Variants in HLA-DMA observed in about 807,000 individuals in gnomAD.
The protein encoded by HLA-DMA is HLA class II histocompatibility antigen, DM alpha chain.
HLA-DMA carries 20 observed loss-of-function variants against 27.3 expected under a neutral mutation model. The ratio of observed to expected loss-of-function variants is 0.73; its 90% CI spans 0.52 to 1.07. The LOEUF is 1.07. Among genes scored for constraint, HLA-DMA ranks in the 50% least tolerant of loss-of-function variants. The probability of loss-of-function intolerance (pLI) is 0.00; values close to 1 mark genes in which losing one functional copy is unlikely to be tolerated. For missense variants in HLA-DMA, 241 were observed against 321.7 expected (o/e 0.75, Z 1.92); for synonymous variants, 111 against 126.8 (o/e 0.88, Z 0.83).
At position 32,950,550 on chromosome 6, in the gene HLA-DMA, T is replaced by C; in HGVS notation, c.342A>G (p.Pro114=). Residue 114 remains proline, a synonymous_variant, in exon 2 of 5, where the codon CCA becomes CCG. Transcript: ENST00000374843. This position sits in a 1 kb window ranked among gnomAD's most constrained non-coding sequence, Gnocchi z 5.0. ...FCEWMIQQIG[P]KLDGKIPVSR... ...ACACCGGGATTTTCCCATCAAGTTT[T>C]GGCCCTATTTGCTGGATCATCCACT... 6.2e-7 allele frequency: 1 copy of C among 1,613,090 alleles called. No individual in the cohort carries two copies. Among genetic ancestry groups the C allele is most frequent in the Non-Finnish European group, 8.5e-7 (1 of 1,180,040 alleles).
In HLA-DMA at chr6:32,949,971, G is replaced by C. The variant is rs958890817; in HGVS notation, c.374-82C>G. 1.2e-5 allele frequency: 17 copies of C among 1,384,022 alleles called. No individual in the cohort carries two copies. The highest frequency in any genetic ancestry group is 1.6e-5 in the Non-Finnish European group (16 of 994,680). 85.7% of individuals were successfully genotyped at this position (1,384,022 alleles called of 1,614,324 possible). A position where few individuals can be genotyped will look rare whatever the true frequency, so the allele number is the denominator to read the frequency against. ...GTGTTTGGAGGGGCCATGGCATATG[G>C]AGGGGAGGGCAGAGAAGAACACAGT... is the stretch of plus-strand genomic sequence containing the variant. On this transcript the variant is annotated intron_variant, in intron 2 of 4. Transcript: ENST00000374843. The surrounding 1 kb of genome is among the most constrained non-coding windows in gnomAD (Gnocchi z 5.8).
chr6:32,949,320 G>T lies in HLA-DMA; in HGVS notation c.732C>A (p.Ile244=). 6.2e-7 allele frequency: 1 copy of T among 1,614,182 alleles called. No individual in the cohort carries two copies. The highest frequency in any genetic ancestry group is 8.5e-7 in the Non-Finnish European group (1 of 1,180,036). The change falls in exon 4 of 5, where the codon ATC becomes ATA. Residue 244 remains isoleucine, a synonymous_variant. Coordinates refer to ENST00000374843, the MANE Select transcript of HLA-DMA (RefSeq NM_006120.4). This position sits in a 1 kb window ranked among gnomAD's most constrained non-coding sequence, Gnocchi z 5.8. ...GVAFGLGVLG[I]IVGIVLIIYF... ...AGATGATGAGAACAATGCCCACGAT[G>T]ATGCCCAGCACACCCAGGCCAAAGG...
chr6:32,948,912 T>C, intron 4 of HLA-DMA, 44 bp from the exon 5 acceptor site: 4 of 1,582,206 alleles, frequency 2.5e-6, no homozygotes, highest in Non-Finnish European at 3.4e-6. Context: ...AGGGGATCCA[T>C]CCTCCTCCTC....
In HLA-DMA at chr6:32,949,252, C is replaced by T; in HGVS notation, c.781+19G>A. 6.2e-7 allele frequency: 1 copy of T among 1,614,072 alleles called. No homozygotes were observed. The highest frequency in any genetic ancestry group is 1.1e-5 in the South Asian group (1 of 91,070). On this transcript the variant is annotated intron_variant, in intron 4 of 4. Transcript: ENST00000374843. The surrounding 1 kb of genome is among the most constrained non-coding windows in gnomAD (Gnocchi z 5.8). ...TATCTGGCTCCCACAGGCTCACCCG[C>T]CCCCTCCAGATGACATACCACCTGA...
chr6:32,950,993 A>G lies in HLA-DMA; in HGVS notation c.89-190T>C, dbSNP rs551116299. On this transcript the variant is annotated intron_variant, in intron 1 of 4. Transcript: ENST00000374843. The surrounding 1 kb of genome is among the most constrained non-coding windows in gnomAD (Gnocchi z 5.0). ...AGCATGGTGAAACTCCGTCTCTACTAAAAATACAAAAAAGTAGCTGGGCAT... is the reference window on the plus strand; with the variant it reads ...AGCATGGTGAAACTCCGTCTCTACTGAAAATACAAAAAAGTAGCTGGGCAT... Among the ~76,000 whole-genome samples the G allele has an allele frequency of 5.6e-4, 85 of 152,182 alleles. No homozygotes were observed. The highest frequency in any genetic ancestry group is 1.1e-3 in the Non-Finnish European group (78 of 67,990).
chr6:32,950,495 T>C lies in HLA-DMA; in HGVS notation c.373+24A>G, dbSNP rs776123031. 1.4e-5 allele frequency: 22 copies of C among 1,612,288 alleles called. No individual in the cohort carries two copies. Among genetic ancestry groups the C allele is most frequent in the Non-Finnish European group, 1.8e-5 (21 of 1,179,426 alleles). ...ATGAGGTTAATGCAGCCCTCCTCCC[T>C]TCACTCCCCAGAAAACTCCTGACCT... On this transcript the variant is annotated intron_variant, in intron 2 of 4. Transcript: ENST00000374843. This position sits in a 1 kb window ranked among gnomAD's most constrained non-coding sequence, Gnocchi z 5.0.
rs770010504 is a variant in HLA-DMA, at chr6:32,949,450, C to T, written c.653-51G>A. 3.7e-6 allele frequency: 6 copies of T among 1,610,910 alleles called. No individual in the cohort carries two copies. In the South Asian group the frequency reaches 5.5e-5, roughly 15 times the overall value. ...GGGGACCTAGTTAGGGAGCCTCCCA[C>T]CCAGGGAAATGACGTGGGTGTCTGG... On this transcript the variant is annotated intron_variant, in intron 3 of 4. Coordinates refer to ENST00000374843, the MANE Select transcript of HLA-DMA (RefSeq NM_006120.4). This position sits in a 1 kb window ranked among gnomAD's most constrained non-coding sequence, Gnocchi z 5.8.
In HLA-DMA at chr6:32,949,185, A is replaced by T; in HGVS notation, c.781+86T>A. ...CCTGAGGATCGCTATATGTCCCCCC[A>T]TGCCACAAAATAATCCTGACACATG... On this transcript the variant is annotated intron_variant, in intron 4 of 4. Transcript: ENST00000374843. This position sits in a 1 kb window ranked among gnomAD's most constrained non-coding sequence, Gnocchi z 5.8. 1 of 1,572,508 alleles carries T rather than the reference A, an allele frequency of 6.4e-7. No homozygotes were observed. Among genetic ancestry groups the T allele is most frequent in the South Asian group, 1.1e-5 (1 of 87,570 alleles).
At position 32,949,427 on chromosome 6, in the gene HLA-DMA, G is replaced by C. The variant is rs1561883420; in HGVS notation, c.653-28C>G. 1.9e-6 allele frequency: 3 copies of C among 1,612,998 alleles called. No homozygotes were observed. Among genetic ancestry groups the C allele is most frequent in the Non-Finnish European group, 2.5e-6 (3 of 1,179,440 alleles). On this transcript the variant is annotated intron_variant, in intron 3 of 4. Coordinates refer to ENST00000374843, the MANE Select transcript of HLA-DMA (RefSeq NM_006120.4). This position sits in a 1 kb window ranked among gnomAD's most constrained non-coding sequence, Gnocchi z 5.8. ...GGAGGAAATGAGTGGCTCAGCCTGG[G>C]GACCTAGTTAGGGAGCCTCCCACCC...
chr6:32,951,970 T>C (rs181889060), intron 1 of HLA-DMA, among the ~76,000 whole-genome samples: 11 of 152,066 alleles, frequency 7.2e-5, no homozygotes, highest in Admixed American at 2.6e-4. Flanking sequence ...TAAAAATGTA[T>C]ATATATAAAA....
At position 32,950,820 on chromosome 6, in the gene HLA-DMA, G is replaced by T. The variant is rs201566790; in HGVS notation, c.89-17C>A. On this transcript the variant is annotated splice_polypyrimidine_tract_variant and intron_variant, in intron 1 of 4. Coordinates refer to ENST00000374843, the MANE Select transcript of HLA-DMA (RefSeq NM_006120.4). This position sits in a 1 kb window ranked among gnomAD's most constrained non-coding sequence, Gnocchi z 5.0. ...GAGTAGGAGCTGCAAAGGACACAGG[G>T]TGAGGTTCAGGGAGGTGGGAGCCTT... The T allele has an allele frequency of 1.6e-3, 2,607 of 1,606,248 alleles. 10 individuals carry two copies. Among genetic ancestry groups the T allele is most frequent in the Middle Eastern group, 0.014 (83 of 6,038 alleles).
chr6:32,949,232 G>T lies in HLA-DMA; in HGVS notation c.781+39C>A, dbSNP rs1272605177. ...CATGCACGCATGCACCACTGTATCT[G>T]GCTCCCACAGGCTCACCCGCCCCCT... On this transcript the variant is annotated intron_variant, in intron 4 of 4. Transcript: ENST00000374843. This position sits in a 1 kb window ranked among gnomAD's most constrained non-coding sequence, Gnocchi z 5.8. 5.0e-6 allele frequency: 8 copies of T among 1,613,340 alleles called. No homozygotes were observed. The highest frequency in any genetic ancestry group is 5.9e-6 in the Non-Finnish European group (7 of 1,179,588).
Position 32,949,042 on chromosome 6 carries a change from T to C in HLA-DMA, c.782-174A>G, listed in dbSNP as rs533700948. ...CAAGCACCCTTCCTACAGCACCCCATGATTCCTTTTTTCACTCAAAGCAAT... is the reference window on the plus strand; with the variant it reads ...CAAGCACCCTTCCTACAGCACCCCACGATTCCTTTTTTCACTCAAAGCAAT... On this transcript the variant is annotated intron_variant, in intron 4 of 4. Transcript: ENST00000374843. This position sits in a 1 kb window ranked among gnomAD's most constrained non-coding sequence, Gnocchi z 5.8. Among the ~76,000 whole-genome samples, 1 of 152,220 alleles carries C rather than the reference T, an allele frequency of 6.6e-6. No homozygotes were observed. The highest frequency in any genetic ancestry group is 1.5e-5 in the Non-Finnish European group (1 of 67,996).
Position 32,949,171 on chromosome 6 carries a change from C to T in HLA-DMA, c.781+100G>A. 4 of 1,521,438 alleles carry T rather than the reference C, an allele frequency of 2.6e-6. No homozygotes were observed. Among genetic ancestry groups the T allele is most frequent in the Non-Finnish European group, 3.6e-6 (4 of 1,108,514 alleles). 94.2% of individuals were successfully genotyped at this position (1,521,438 alleles called of 1,614,324 possible). A position where few individuals can be genotyped will look rare whatever the true frequency, so the allele number is the denominator to read the frequency against. On this transcript the variant is annotated intron_variant, in intron 4 of 4. Transcript: ENST00000374843. This position sits in a 1 kb window ranked among gnomAD's most constrained non-coding sequence, Gnocchi z 5.8. The stretch of plus-strand genomic sequence containing the variant: ...CCCACACCCAAGGGCCTGAGGATCG[C>T]TATATGTCCCCCCATGCCACAAAAT...
intron 1 of HLA-DMA, among the ~76,000 whole-genome samples, chr6:32,951,190 C>T (rs956993796): frequency 1.3e-5 from 2 of 152,008 alleles, no homozygotes; most frequent in Admixed American, 6.5e-5. Flanking sequence ...GCTTAAGGAG[C>T]GTGGGCTGAG....
In HLA-DMA at chr6:32,949,907, G is replaced by A. The variant is rs1179373792; in HGVS notation, c.374-18C>T. On this transcript the variant is annotated intron_variant, in intron 2 of 4. Transcript: ENST00000374843. The surrounding 1 kb of genome is among the most constrained non-coding windows in gnomAD (Gnocchi z 5.8). ...AGGAAACCCTGGTGGGGGGATTGAA[G>A]TGTAGGGGGAAAAAGAGACTAGTTT... The A allele has an allele frequency of 1.2e-6, 2 of 1,610,314 alleles. No homozygotes were observed. The highest frequency in any genetic ancestry group is 1.1e-5 in the South Asian group (1 of 91,020).
chr6:32,950,151 A>G lies in HLA-DMA; in HGVS notation c.374-262T>C. The G allele has an allele frequency of 1.7e-6, 1 of 595,850 alleles. No individual in the cohort carries two copies. The highest frequency in any genetic ancestry group is 3.0e-6 in the Non-Finnish European group (1 of 336,264). 36.9% of individuals were successfully genotyped at this position (595,850 alleles called of 1,614,324 possible). A position where few individuals can be genotyped will look rare whatever the true frequency, so the allele number is the denominator to read the frequency against. ...ACTTCCTTCAGCACTTCCTGTCTAG[A>G]GCTCACATTGATGTCTAACCATGCA... On this transcript the variant is annotated intron_variant, in intron 2 of 4. Transcript: ENST00000374843. The surrounding 1 kb of genome is among the most constrained non-coding windows in gnomAD (Gnocchi z 5.0).
Position 32,950,631 on chromosome 6 carries a change from G to T in HLA-DMA, c.261C>A (p.Asp87Glu). 1 of 1,613,116 alleles carries T rather than the reference G, an allele frequency of 6.2e-7. No individual in the cohort carries two copies. Among genetic ancestry groups the T allele is most frequent in the Non-Finnish European group, 8.5e-7 (1 of 1,180,036 alleles). Reference sequence around the variant, plus strand: ...GAGCATCTCCCTGTTCCTGAGCCCAGTCAGCAAATTCGGGCAGGCGAGGCA... The same window carrying T: ...GAGCATCTCCCTGTTCCTGAGCCCATTCAGCAAATTCGGGCAGGCGAGGCA... ...TRVPRLPEFA[D>E]WAQEQGDAPA... The change falls in exon 2 of 5, where the codon GAC becomes GAA. Residue 87 changes from aspartate (D) to glutamate (E), a missense_variant. Asp to Glu is a conservative substitution (Grantham distance 45). Transcript: ENST00000374843. The surrounding 1 kb of genome is among the most constrained non-coding windows in gnomAD (Gnocchi z 5.0).
Position 32,949,213 on chromosome 6 carries a change from C to T in HLA-DMA, c.781+58G>A, listed in dbSNP as rs781659788. The T allele has an allele frequency of 7.0e-5, 112 of 1,608,700 alleles. No homozygotes were observed. The highest frequency in any genetic ancestry group is 9.3e-5 in the African/African-American group (7 of 74,914). On this transcript the variant is annotated intron_variant, in intron 4 of 4. Coordinates refer to ENST00000374843, the MANE Select transcript of HLA-DMA (RefSeq NM_006120.4). This position sits in a 1 kb window ranked among gnomAD's most constrained non-coding sequence, Gnocchi z 5.8. The stretch of plus-strand genomic sequence containing the variant: ...CCACAAAATAATCCTGACACATGCA[C>T]GCATGCACCACTGTATCTGGCTCCC...
Sources: allele counts gnomAD v4.1 joint callset (sites outside exome capture counted in the v4.1 genomes callset), GRCh38; gene constraint gnomAD v4.1.1; non-coding constraint Gnocchi (gnomAD v3.1); transcripts MANE v1.5; gene names NCBI Gene and HGNC (gene_info 2026-07-23, HGNC 2026-07-21).